Variants in RYR2 observed in about 807,000 individuals in gnomAD.
The protein encoded by RYR2 is cardiac muscle ryanodine receptor-calcium release channel.
Under a neutral mutation model 601.1 loss-of-function variants are expected in RYR2, and 227 were observed. The ratio of observed to expected loss-of-function variants is 0.38; its 90% CI spans 0.34 to 0.42. RYR2 has a LOEUF of 0.42. Ranked by LOEUF, RYR2 falls within the 10% of genes least tolerant of loss-of-function variation. RYR2 has a pLI of 1.00. For missense variants in RYR2, 4,646 were observed against 6,156.5 expected (o/e 0.75, Z 8.21); for synonymous variants, 2,223 against 2,175.1 (o/e 1.02, Z -0.61).
chr1:237,421,671 T>G (rs1705589991), intron 11 of RYR2, among the ~76,000 whole-genome samples: 1 of 152,222 alleles, frequency 6.6e-6, no homozygotes, highest in South Asian at 2.1e-4. Context: ...AATAAGTCTG[T>G]ATGAACCCAA....
intron 27 of RYR2, among the ~76,000 whole-genome samples, chr1:237,553,969 C>T (rs1670645606): frequency 1.3e-5 from 2 of 151,776 alleles, no homozygotes; most frequent in African/African-American, 4.8e-5. Context: ...AAAACTAAAC[C>T]TCACTTTTTC....
At chr1:237,488,738 T>C (rs934576897) in intron 17 of RYR2, among the ~76,000 whole-genome samples, 2 of 152,144 alleles carry the variant, frequency 1.3e-5, no homozygotes, top group Non-Finnish European at 2.9e-5. Flanking sequence ...CCCTTAAGAA[T>C]GTACTTTGTA....
chr1:237,395,186 G>A (rs1051753052), intron 10 of RYR2, among the ~76,000 whole-genome samples: 2 of 152,188 alleles, frequency 1.3e-5, no homozygotes, highest in Admixed American at 6.5e-5. Flanking sequence ...AGGATGAAGT[G>A]AATGTTAATC....
chr1:237,120,981 G>A (rs747905420), intron 1 of RYR2: 1 of 152,030 alleles, frequency 6.6e-6, no homozygotes, highest in Non-Finnish European at 1.5e-5. Flanking sequence ...AAAAGAAATG[G>A]GAGGAACTTC....
In RYR2 at chr1:237,569,233, A is replaced by G. The variant is rs775580228; in HGVS notation, c.3512A>G (p.His1171Arg). 6.2e-7 allele frequency: 1 copy of G among 1,613,988 alleles called. No homozygotes were observed. The highest frequency in any genetic ancestry group is 1.1e-5 in the South Asian group (1 of 91,080). Residue 1171 changes from histidine (H) to arginine (R), a missense_variant, in exon 29 of 105, where the codon CAC becomes CGC. His to Arg is a conservative substitution (Grantham distance 29). Around this residue, in one of 17 missense-constraint regions of RYR2, gnomAD observed 1,807 missense variants for 2,088.1 expected, o/e 0.87. Transcript: ENST00000366574. ...GGGTGTATGGTTGACATGAACGAAC[A>G]CACCATGATGTTCACACTGAATGGT... is the stretch of plus-strand genomic sequence containing the variant. ...VVGCMVDMNEHTMMFTLNGEI... is the reference protein window; with the variant it reads ...VVGCMVDMNERTMMFTLNGEI...
intron 27 of RYR2, among the ~76,000 whole-genome samples, 168 bp from the exon 28 acceptor site, chr1:237,566,399 A>G (rs1157080549): frequency 6.6e-6 from 1 of 152,182 alleles, no homozygotes; most frequent in Non-Finnish European, 1.5e-5. Context: ...CTAGATCAGA[A>G]AGCACTTGGT....
At chr1:237,741,178 G>T (rs1246686945) in intron 79 of RYR2, among the ~76,000 whole-genome samples, 1 of 152,136 alleles carries the variant, frequency 6.6e-6, no homozygotes, top group Admixed American at 6.5e-5. Context: ...TAAACAGAAA[G>T]CGTGGTGCTA....
chr1:237,506,794 C>T lies in RYR2; in HGVS notation c.2698C>T (p.Leu900Phe), dbSNP rs754314526. The T allele has an allele frequency of 1.2e-6, 2 of 1,613,370 alleles. No individual in the cohort carries two copies. Among genetic ancestry groups the T allele is most frequent in the Admixed American group, 1.7e-5 (1 of 59,998 alleles). ...ACTCTGGGTTATGAATAAAATTGAG[C>T]TTGGCTGGCAGTATGGTCCGGTATG... ...HELWVMNKIE[L>F]GWQYGPVRDD... The change falls in exon 23 of 105, where the codon CTT (leucine) becomes TTT (phenylalanine). Residue 900 changes from leucine (L) to phenylalanine (F), a missense_variant. Around this residue, in one of 17 missense-constraint regions of RYR2, gnomAD observed 1,807 missense variants for 2,088.1 expected, o/e 0.87. Transcript: ENST00000366574.
intron 71 of RYR2, 130 bp from the exon 72 acceptor site, chr1:237,717,068 C>A: frequency 1.4e-6 from 1 of 735,428 alleles, no homozygotes; most frequent in Non-Finnish European, 2.2e-6. Flanking sequence ...ATTCTCAAAA[C>A]AGGAGGATTT....
intron 2 of RYR2, among the ~76,000 whole-genome samples, chr1:237,303,947 C>A (rs182537915): frequency 6.6e-6 from 1 of 152,196 alleles, no homozygotes; most frequent in Non-Finnish European, 1.5e-5. Context: ...CCTTGTTTTC[C>A]TTTTTTTGTG....
At chr1:237,627,558 C>T (rs1199863321) in intron 40 of RYR2, among the ~76,000 whole-genome samples, 7 of 152,082 alleles carry the variant, frequency 4.6e-5, no homozygotes, top group Non-Finnish European at 7.4e-5. Flanking sequence ...ATAACTGTAG[C>T]TTATTTAATT....
At chr1:237,347,016 T>C (rs1472984219) in intron 3 of RYR2, among the ~76,000 whole-genome samples, 5 of 152,266 alleles carry the variant, frequency 3.3e-5, no homozygotes, top group East Asian at 1.9e-4. Context: ...GATTCTATTA[T>C]TTGTAAACAT....
intron 34 of RYR2, among the ~76,000 whole-genome samples, chr1:237,598,715 A>G (rs972230747): frequency 2.6e-5 from 4 of 152,186 alleles, no homozygotes; most frequent in African/African-American, 9.6e-5. Flanking sequence ...GAAGTAAAAA[A>G]TAAACCACCT....
intron 2 of RYR2, among the ~76,000 whole-genome samples, chr1:237,298,929 A>AT (rs1377885000): frequency 6.6e-6 from 1 of 152,082 alleles, no homozygotes; most frequent in Non-Finnish European, 1.5e-5. Context: ...GAGCCCAGGA[A>AT]TTTGAAGTGA....
At chr1:237,545,764 A>G (rs1669733873) in intron 25 of RYR2, among the ~76,000 whole-genome samples, 1 of 151,958 alleles carries the variant, frequency 6.6e-6, no homozygotes, top group South Asian at 2.1e-4. Flanking sequence ...AAAAAAAAAA[A>G]AAAATACTTT....
intron 1 of RYR2, among the ~76,000 whole-genome samples, chr1:237,167,215 G>T (rs1676805282): frequency 6.6e-6 from 1 of 152,160 alleles, no homozygotes; most frequent in South Asian, 2.1e-4. Flanking sequence ...ATTTCCAGGG[G>T]TTGATTCTCA....
At chr1:237,368,807 A>G (rs116416361) in intron 5 of RYR2, among the ~76,000 whole-genome samples, 10,519 of 142,682 alleles carry the variant, frequency 0.074, 398 homozygotes, top group Middle Eastern at 0.087. Context: ...ACGTTTATTT[A>G]TTTATTTATT....
rs1339750810 is a variant in RYR2, at chr1:237,330,946, G to A, written c.237G>A (p.Gln79=). 1 of 1,614,000 alleles carries A rather than the reference G, an allele frequency of 6.2e-7. No individual in the cohort carries two copies. ...AGTCCCTCTCTGTCCGGGCGCTGCA[G>A]GAGATGCTGGCTAACACCGTGGAGA... ...LEQSLSVRAL[Q]EMLANTVEKS... The change falls in exon 3 of 105, where the codon CAG becomes CAA. Residue 79 remains glutamine, a synonymous_variant. Coordinates refer to ENST00000366574, the MANE Select transcript of RYR2 (RefSeq NM_001035.3).
At chr1:237,486,342 T>C (rs1282729354) in intron 17 of RYR2, among the ~76,000 whole-genome samples, 1 of 152,166 alleles carries the variant, frequency 6.6e-6, no homozygotes, top group African/African-American at 2.4e-5. Flanking sequence ...AAATCATGCA[T>C]GTTAAATGGC....
Sources: allele counts gnomAD v4.1 joint callset (sites outside exome capture counted in the v4.1 genomes callset), GRCh38; gene constraint gnomAD v4.1.1; regional missense constraint gnomAD v4.1.1; transcripts MANE v1.5; gene names NCBI Gene and HGNC (gene_info 2026-07-23, HGNC 2026-07-21).